The following KDM6A variants were observed in gnomAD, a reference collection of about 807,000 sequenced individuals.
KDM6A encodes the protein lysine demethylase 6A, also known as lysine-specific demethylase 6A.
Under a neutral mutation model 117.6 loss-of-function variants are expected in KDM6A, and 11 were observed. The observed-to-expected ratio is 0.09, with a 90% CI of 0.06 to 0.15. The LOEUF (loss-of-function observed/expected upper bound fraction) is 0.15. Among genes scored for constraint, KDM6A ranks in the 10% least tolerant of loss-of-function variants. The probability of loss-of-function intolerance (pLI) is 1.00; values close to 1 mark genes in which losing one functional copy is unlikely to be tolerated. For synonymous variants in KDM6A, 384 were observed against 396.1 expected (o/e 0.97, Z 0.36); for missense variants, 799 against 1,077.3 (o/e 0.74, Z 3.62).
chrX:44,910,768 T>C (rs2035052805), intron 2 of KDM6A, among the ~76,000 whole-genome samples: 1 of 110,884 alleles, frequency 9.0e-6, no homozygotes, highest in South Asian at 3.8e-4. Flanking sequence ...TTAATCCATT[T>C]AACCCTGAGT....
chrX:44,999,199 A>C (rs2041016664), intron 4 of KDM6A, among the ~76,000 whole-genome samples: 1 of 112,073 alleles, frequency 8.9e-6, no homozygotes, highest in Admixed American at 9.5e-5. Context: ...CCGCAAAAGA[A>C]ATAGCACTTG....
At chrX:44,881,607 A>G (rs1373986750) in intron 2 of KDM6A, among the ~76,000 whole-genome samples, 1 of 108,096 alleles carries the variant, frequency 9.3e-6, no homozygotes, top group Non-Finnish European at 1.9e-5. Flanking sequence ...TTACTTCTGT[A>G]TATTATTAAA....
intron 4 of KDM6A, among the ~76,000 whole-genome samples, chrX:44,982,099 A>AT (rs1221974346): frequency 3.0e-4 from 32 of 107,911 alleles, no homozygotes; most frequent in Non-Finnish European, 4.6e-4. Context: ...CCTTTTTCTT[A>AT]TTTTTTTTTT....
chrX:44,967,287 A>G (rs1035985954), intron 3 of KDM6A, among the ~76,000 whole-genome samples: 1 of 111,426 alleles, frequency 9.0e-6, no homozygotes, highest in Non-Finnish European at 1.9e-5. Flanking sequence ...CAAGATTACC[A>G]GTTTATAGAG....
intron 6 of KDM6A, among the ~76,000 whole-genome samples, chrX:45,024,470 A>G (rs1269418494): frequency 9.1e-6 from 1 of 110,312 alleles, no homozygotes; most frequent in African/African-American, 3.3e-5. Flanking sequence ...TCCTTTGCCC[A>G]CTTTTTGATG....
At chrX:44,958,497 A>G (rs534854013) in intron 2 of KDM6A, among the ~76,000 whole-genome samples, 8 of 110,341 alleles carry the variant, frequency 7.3e-5, no homozygotes, top group East Asian at 5.6e-4. Flanking sequence ...AATGATTTTT[A>G]TAAGAATGGA....
rs200547985 is a variant in KDM6A, at chrX:44,953,582, A to G, written c.226-7702A>G. Among the ~76,000 whole-genome samples the G allele has an allele frequency of 5.4e-5, 6 of 111,917 alleles. No individual in the cohort carries two copies. In the East Asian group the frequency reaches 1.7e-3, roughly 31 times the overall value. The stretch of plus-strand genomic sequence containing the variant: ...AATCTCTTTTTTCTTTTTCTTTACA[A>G]TATAATCTTGAATATGTTAGAAATT... On this transcript the variant is annotated intron_variant, in intron 2 of 29. Coordinates refer to ENST00000611820, the MANE Select transcript of KDM6A (RefSeq NM_001291415.2).
intron 1 of KDM6A, 52 bp from the exon 2 acceptor site, chrX:44,873,872 G>A (rs2031138102): frequency 3.4e-6 from 4 of 1,179,176 alleles, no homozygotes; most frequent in Non-Finnish European, 4.6e-6. Flanking sequence ...GGCAGGGACG[G>A]GTCGGTGGCG....
chrX:44,930,158 TC>T (rs2036544770), intron 2 of KDM6A, among the ~76,000 whole-genome samples: 1 of 111,588 alleles, frequency 9.0e-6, no homozygotes. Flanking sequence ...TTATTTTTTT[TC>T]CTTTTTCCCC....
intron 2 of KDM6A, among the ~76,000 whole-genome samples, chrX:44,895,483 G>C (rs1029317948): frequency 1.2e-5 from 1 of 86,806 alleles, no homozygotes; most frequent in Non-Finnish European, 2.2e-5. Flanking sequence ...TTATTCTGCT[G>C]TTCTCCTGGC....
intron 4 of KDM6A, among the ~76,000 whole-genome samples, chrX:44,976,966 G>GT (rs746316899): frequency 5.4e-4 from 60 of 111,540 alleles, no homozygotes; most frequent in African/African-American, 1.9e-3. Context: ...GAGGGTTCCA[G>GT]TTTCTCTGTA....
chrX:45,104,934 C>CTTT (rs767092191), intron 27 of KDM6A, among the ~76,000 whole-genome samples: 2 of 111,457 alleles, frequency 1.8e-5, no homozygotes, highest in African/African-American at 6.5e-5. Flanking sequence ...AGTATACTGC[C>CTTT]TTTTTTAAGA....
intron 2 of KDM6A, among the ~76,000 whole-genome samples, chrX:44,892,390 C>T (rs2033437214): frequency 1.8e-5 from 2 of 111,528 alleles, no homozygotes; most frequent in Admixed American, 1.9e-4. Context: ...AACCCTGTCT[C>T]TACCAAAAAA....
rs1418552398 is a variant in KDM6A, at chrX:44,902,353, TATC to T, written c.225+28373_225+28375del. Among the ~76,000 whole-genome samples, 5 of 111,960 alleles carry T rather than the reference TATC, an allele frequency of 4.5e-5. No homozygotes were observed. The South Asian group carries it at 1.8e-3, about 41-fold the overall frequency. ...GCCATTTTACTGTTTGTTTTCATCA[TATC>T]ATCATCTGTTGTTTTTGTTCTGTAT... On this transcript the variant is annotated intron_variant, in intron 2 of 29. Coordinates refer to ENST00000611820, the MANE Select transcript of KDM6A (RefSeq NM_001291415.2).
chrX:44,911,175 C>A (rs2035105126), intron 2 of KDM6A, among the ~76,000 whole-genome samples: 1 of 108,711 alleles, frequency 9.2e-6, no homozygotes, highest in Non-Finnish European at 1.9e-5. Context: ...CGGGGGCTGC[C>A]CCCCACCTCC....
chrX:44,893,126 G>C (rs955682723), intron 2 of KDM6A, among the ~76,000 whole-genome samples: 3 of 110,052 alleles, frequency 2.7e-5, no homozygotes, highest in African/African-American at 9.9e-5. Context: ...AGAGAGCCGA[G>C]ATCGCACCAC....
rs747821170 is a variant in KDM6A at position 44,963,440 on chromosome X, AGTGT to A, written c.334+2091_334+2094del. On this transcript the variant is annotated intron_variant, in intron 3 of 29. Transcript: ENST00000611820. The stretch of plus-strand genomic sequence containing the variant: ...CACTGCACTCCAGCCAGGGTGACAG[AGTGT>A]GTGTGTGTGTGTGTGTGTGTGTGTG... 6.0e-4 allele frequency among the ~76,000 whole-genome samples: 42 copies of A among 69,885 alleles called. No homozygotes were observed. The South Asian group carries it at 9.8e-3, about 16-fold the overall frequency. The allele number at this position is 69,885 out of a possible 115,157, so 60.7% of individuals were successfully genotyped here.
chrX:44,940,726 A>G (rs761860124), intron 2 of KDM6A, among the ~76,000 whole-genome samples: 8 of 111,969 alleles, frequency 7.1e-5, no homozygotes, highest in Non-Finnish European at 1.3e-4. Context: ...CCATTCTGTT[A>G]CACAGCTTAT....
intron 29 of KDM6A, 56 bp from the exon 30 acceptor site, chrX:45,111,326 C>T (rs771567266): frequency 2.1e-6 from 2 of 953,040 alleles, no homozygotes; most frequent in East Asian, 6.1e-5. Context: ...ATGTTTGTAG[C>T]CATGAGCTAT....
Sources: gnomAD v4.1 joint callset for allele counts (sites outside exome capture counted in the v4.1 genomes callset) on GRCh38, gnomAD v4.1.1 for gene constraint, MANE v1.5 for transcripts, NCBI Gene and HGNC (gene_info 2026-07-23, HGNC 2026-07-21) for gene names.